Variants in FHIP1A observed in about 807,000 individuals in gnomAD.
The protein encoded by FHIP1A is FHF complex subunit HOOK-interacting protein 1A.
A neutral mutation model predicts 88.6 loss-of-function variants in FHIP1A; 61 were observed. The ratio of observed to expected loss-of-function variants is 0.69; its 90% CI spans 0.56 to 0.85. The LOEUF is 0.85. Ranked by LOEUF, FHIP1A falls within the 40% of genes least tolerant of loss-of-function variation. The pLI is 0.00. For synonymous variants in FHIP1A, 478 were observed against 496.0 expected (o/e 0.96, Z 0.48); for missense variants, 1,154 against 1,273.5 (o/e 0.91, Z 1.43).
At chr4:151,561,342 T>C (rs1372762793) in intron 3 of FHIP1A, among the ~76,000 whole-genome samples, 1 of 152,152 alleles carries the variant, frequency 6.6e-6, no homozygotes, top group African/African-American at 2.4e-5. Context: ...TCCAGAAGAA[T>C]AGGGGGCTAT....
intron 1 of FHIP1A, among the ~76,000 whole-genome samples, chr4:151,436,847 T>A (rs1481285606): frequency 6.6e-6 from 1 of 152,188 alleles, no homozygotes; most frequent in Non-Finnish European, 1.5e-5. Flanking sequence ...ATCCATGGGA[T>A]GTTCAAGCCC....
At chr4:151,574,624 G>A (rs1432852262) in intron 4 of FHIP1A, among the ~76,000 whole-genome samples, 4 of 151,712 alleles carry the variant, frequency 2.6e-5, no homozygotes, top group Non-Finnish European at 5.9e-5. Context: ...TCAATGGTTT[G>A]GTCTTTTTTG....
chr4:151,452,551 C>A (rs755085312), intron 1 of FHIP1A, among the ~76,000 whole-genome samples: 1 of 152,044 alleles, frequency 6.6e-6, no homozygotes, highest in Non-Finnish European at 1.5e-5. Flanking sequence ...GATGGTGAAA[C>A]CCTGTCTCTA....
intron 1 of FHIP1A, among the ~76,000 whole-genome samples, chr4:151,440,438 A>G (rs755496040): frequency 1.3e-5 from 2 of 152,162 alleles, no homozygotes; most frequent in African/African-American, 2.4e-5. Flanking sequence ...TCAATTGTCT[A>G]CTGGACAATT....
intron 3 of FHIP1A, among the ~76,000 whole-genome samples, chr4:151,487,932 A>G (rs139369120): frequency 3.3e-5 from 5 of 152,160 alleles, no homozygotes; most frequent in African/African-American, 1.2e-4. Context: ...ATTATCCTTT[A>G]CTTCATTTTC....
intron 13 of FHIP1A, among the ~76,000 whole-genome samples, chr4:151,660,886 C>T (rs1298498256): frequency 6.6e-6 from 1 of 152,180 alleles, no homozygotes; most frequent in African/African-American, 2.4e-5. Flanking sequence ...CTCATTTAAT[C>T]CTTATAACAA....
At chr4:151,638,015 A>G (rs1473599233) in intron 8 of FHIP1A, among the ~76,000 whole-genome samples, 2 of 152,240 alleles carry the variant, frequency 1.3e-5, no homozygotes, top group Admixed American at 6.5e-5. Context: ...AGATTTTACA[A>G]TACACCTTTG....
At chr4:151,646,427 A>C in intron 9 of FHIP1A, 131 bp from the exon 10 acceptor site, 1 of 605,290 alleles carries the variant, frequency 1.7e-6, no homozygotes, top group Non-Finnish European at 2.9e-6. Flanking sequence ...GGCTGGTGAG[A>C]TGATCAATTG....
intron 7 of FHIP1A, among the ~76,000 whole-genome samples, chr4:151,593,582 A>C (rs191791375): frequency 3.4e-4 from 52 of 152,290 alleles, no homozygotes; most frequent in African/African-American, 1.2e-3. Flanking sequence ...ATTTATGTAT[A>C]GGAATGCTCG....
intron 1 of FHIP1A, among the ~76,000 whole-genome samples, chr4:151,429,065 C>G (rs1221830496): frequency 6.6e-6 from 1 of 152,096 alleles, no homozygotes; most frequent in East Asian, 1.9e-4. Flanking sequence ...TTCATGAAGG[C>G]AGGCAGTTCG....
intron 3 of FHIP1A, among the ~76,000 whole-genome samples, chr4:151,516,835 C>T (rs1317133644): frequency 6.6e-6 from 1 of 151,266 alleles, no homozygotes; most frequent in Non-Finnish European, 1.5e-5. Context: ...GAAATAGGAA[C>T]ACTTTTCCAC....
rs17027689 is a variant in FHIP1A at position 151,561,474 on chromosome 4, A to T, written c.-122-4664A>T. Among the ~76,000 whole-genome samples the T allele has an allele frequency of 0.015, 2,269 of 152,162 alleles. 151 individuals are homozygous for T. In the East Asian group the frequency reaches 0.16, roughly 11 times the overall value. On this transcript the variant is annotated intron_variant, in intron 3 of 13. Coordinates refer to ENST00000435205, the MANE Select transcript of FHIP1A (RefSeq NM_001109977.3). ...GATTTAGGTTTAATAGGATTTTATG[A>T]GGCTCTAAGAAGAGGTTGTCTGAGG...
chr4:151,582,388 A>G (rs1010491143), intron 5 of FHIP1A, among the ~76,000 whole-genome samples: 4 of 149,828 alleles, frequency 2.7e-5, no homozygotes, highest in African/African-American at 7.4e-5. Context: ...TCTTTCCTTC[A>G]TTGGAAACAT....
intron 9 of FHIP1A, among the ~76,000 whole-genome samples, chr4:151,644,194 G>A (rs1468167617): frequency 6.6e-6 from 1 of 152,106 alleles, no homozygotes; most frequent in Non-Finnish European, 1.5e-5. Flanking sequence ...CCAGCCTATA[G>A]GAAGAGTTCA....
intron 1 of FHIP1A, among the ~76,000 whole-genome samples, chr4:151,452,977 A>C (rs946223838): frequency 2.2e-4 from 26 of 119,388 alleles, no homozygotes; most frequent in African/African-American, 6.0e-5. Flanking sequence ...CACACACACA[A>C]ACATACATTG....
chr4:151,613,272 A>T (rs1428836183), intron 7 of FHIP1A, among the ~76,000 whole-genome samples: 2 of 152,286 alleles, frequency 1.3e-5, no homozygotes, highest in African/African-American at 4.8e-5. Context: ...AAGAATGTAC[A>T]GCATTCTACT....
intron 1 of FHIP1A, among the ~76,000 whole-genome samples, chr4:151,449,243 G>T (rs990486232): frequency 6.6e-6 from 1 of 152,012 alleles, no homozygotes; most frequent in African/African-American, 2.4e-5. Context: ...TATTTTATAT[G>T]TTATTTTATT....
chr4:151,628,720 A>G (rs1404610156), intron 7 of FHIP1A, among the ~76,000 whole-genome samples: 2 of 152,200 alleles, frequency 1.3e-5, no homozygotes, highest in Admixed American at 1.3e-4. Context: ...GGTGTGTGGT[A>G]TTAGAATCTG....
At chr4:151,629,162 A>T (rs1300937938) in intron 7 of FHIP1A, among the ~76,000 whole-genome samples, 1 of 152,212 alleles carries the variant, frequency 6.6e-6, no homozygotes, top group Non-Finnish European at 1.5e-5. Flanking sequence ...CCAGAAACAC[A>T]TCGGAACATC....
Sources: allele counts gnomAD v4.1 joint callset (sites outside exome capture counted in the v4.1 genomes callset), GRCh38; gene constraint gnomAD v4.1.1; transcripts MANE v1.5; gene names NCBI Gene and HGNC (gene_info 2026-07-23, HGNC 2026-07-21).